MACF1: variants seen among roughly 807,000 people sequenced by gnomAD.
MACF1 encodes the protein microtubule actin crosslinking factor 1, also known as microtubule-actin cross-linking factor 1.
MACF1 carries 193 observed loss-of-function variants against 854.8 expected under a neutral mutation model. The observed-to-expected ratio is 0.23, with a 90% confidence interval of 0.20 to 0.25. MACF1 has a LOEUF of 0.25. Ranked by LOEUF, MACF1 falls within the 10% of genes least tolerant of loss-of-function variation. The probability of loss-of-function intolerance (pLI) is 1.00; values close to 1 mark genes in which losing one functional copy is unlikely to be tolerated. For synonymous variants in MACF1, 3,185 were observed against 3,226.7 expected (o/e 0.99, Z 0.44); for missense variants, 7,722 against 8,929.1 (o/e 0.86, Z 5.45).
chr1:39,427,917 T>A (rs1310856652), intron 62 of MACF1, 44 bp from the exon 63 acceptor site: 1 of 1,418,326 alleles, frequency 7.1e-7, no homozygotes, highest in East Asian at 2.3e-5. Context: ...TTACTTTTCA[T>A]TTATTTTGTT....
At chr1:39,136,712 A>G (rs1347901070) in intron 2 of MACF1, among the ~76,000 whole-genome samples, 2 of 152,232 alleles carry the variant, frequency 1.3e-5, no homozygotes, top group Non-Finnish European at 2.9e-5. Flanking sequence ...AATTAATTCT[A>G]TATTAAATTA....
At chr1:39,286,607 C>T (rs1027189965) in intron 14 of MACF1, among the ~76,000 whole-genome samples, 1 of 151,332 alleles carries the variant, frequency 6.6e-6, no homozygotes, top group African/African-American at 2.4e-5. Flanking sequence ...GCTGGGAGTA[C>T]AGGAGTGCAC....
intron 2 of MACF1, among the ~76,000 whole-genome samples, chr1:39,113,162 CT>C (rs1642455653): frequency 2.6e-5 from 4 of 152,106 alleles, no homozygotes; most frequent in African/African-American, 7.2e-5. Flanking sequence ...CTCCCTACCC[CT>C]AATCTCAATA....
intron 2 of MACF1, among the ~76,000 whole-genome samples, chr1:39,111,124 G>A (rs1314963674): frequency 1.3e-5 from 2 of 152,144 alleles, no homozygotes; most frequent in African/African-American, 4.8e-5. Flanking sequence ...GATTGGAGTT[G>A]AAGCCTCTCT....
chr1:39,484,536 T>C (rs1645070622), intron 99 of MACF1, 65 bp from the exon 100 acceptor site: 5 of 1,496,486 alleles, frequency 3.3e-6, no homozygotes, highest in Non-Finnish European at 3.6e-6. Flanking sequence ...GGAGACCTTT[T>C]AAAGTTGAAT....
chr1:39,200,702 GA>G (rs968707803), upstream of MACF1, among the ~76,000 whole-genome samples: 115 of 130,716 alleles, frequency 8.8e-4, no homozygotes, highest in Middle Eastern at 3.9e-3. Flanking sequence ...CCATCTCAGA[GA>G]AAAAAAAAAA....
At chr1:39,265,131 C>G (rs1240076095) in intron 6 of MACF1, among the ~76,000 whole-genome samples, 1 of 152,184 alleles carries the variant, frequency 6.6e-6, no homozygotes, top group Non-Finnish European at 1.5e-5. Context: ...GTATGCCTAG[C>G]ATTTTGAAAT....
intron 2 of MACF1, among the ~76,000 whole-genome samples, chr1:39,148,827 A>G (rs186432339): frequency 6.6e-6 from 1 of 152,356 alleles, no homozygotes; most frequent in African/African-American, 2.4e-5. Flanking sequence ...TTGCTGAGTC[A>G]AAAGTTATTT....
At chr1:39,097,832 G>A (rs1340597564) in intron 2 of MACF1, among the ~76,000 whole-genome samples, 1 of 152,180 alleles carries the variant, frequency 6.6e-6, no homozygotes, top group Non-Finnish European at 1.5e-5. Context: ...GATCTCAACT[G>A]AGAGCATTGG....
At chr1:39,201,090 A>G (rs1437655555), upstream of MACF1, among the ~76,000 whole-genome samples, 2 of 152,188 alleles carry the variant, frequency 1.3e-5, no homozygotes, top group African/African-American at 2.4e-5. Flanking sequence ...TAGCAGTTCT[A>G]TCCTTTCAAT....
chr1:39,350,508 T>C (rs568264472), intron 42 of MACF1, among the ~76,000 whole-genome samples: 5 of 152,212 alleles, frequency 3.3e-5, no homozygotes, highest in Non-Finnish European at 7.3e-5. Context: ...CACTTCTTTA[T>C]GGAAAGAATG....
chr1:39,380,475 A>G (rs1650081538), intron 55 of MACF1, 102 bp downstream of exon 55: 3 of 1,218,212 alleles, frequency 2.5e-6, no homozygotes, highest in South Asian at 1.5e-5. Flanking sequence ...TTTTTAGTTA[A>G]TTTTTATAAA....
chr1:39,292,192 G>A (rs1228896044), intron 16 of MACF1, among the ~76,000 whole-genome samples, 154 bp downstream of exon 16: 1 of 152,242 alleles, frequency 6.6e-6, no homozygotes, highest in Non-Finnish European at 1.5e-5. Flanking sequence ...CTTTTCACAT[G>A]AAGTGTATCT....
intron 51 of MACF1, among the ~76,000 whole-genome samples, chr1:39,371,833 A>G (rs961440754): frequency 2.1e-5 from 3 of 145,646 alleles, no homozygotes; most frequent in African/African-American, 7.6e-5. Context: ...TTTTTTTTTA[A>G]GACGGAGTCT....
At chr1:39,410,677 C>T in intron 58 of MACF1, 1 of 1,613,784 alleles carries the variant, frequency 6.2e-7, no homozygotes, top group Non-Finnish European at 8.5e-7. Context: ...GTCCTTCATG[C>T]CACCCAACTT....
intron 61 of MACF1, among the ~76,000 whole-genome samples, chr1:39,425,420 G>C (rs1214093464): frequency 6.6e-6 from 1 of 152,132 alleles, no homozygotes; most frequent in African/African-American, 2.4e-5. Context: ...CAAGCTCAGA[G>C]ATATTTAATT....
At chr1:39,243,650 G>A (rs1408447600) in intron 2 of MACF1, among the ~76,000 whole-genome samples, 2 of 152,138 alleles carry the variant, frequency 1.3e-5, no homozygotes, top group African/African-American at 2.4e-5. Context: ...TAATCTTCCT[G>A]TCTTGGCCTC....
intron 23 of MACF1, among the ~76,000 whole-genome samples, chr1:39,308,627 G>A (rs1455560902): frequency 6.6e-6 from 1 of 151,882 alleles, no homozygotes; most frequent in Admixed American, 6.6e-5. Flanking sequence ...GCTTGGGAAA[G>A]AAATCTCAAA....
intron 52 of MACF1, 40 bp from the exon 53 acceptor site, chr1:39,378,421 G>A (rs777730575): frequency 2.0e-5 from 30 of 1,503,706 alleles, no homozygotes; most frequent in African/African-American, 2.7e-5. Flanking sequence ...TTCCTAACAC[G>A]TTGGTCTTGC....
Sources: gnomAD v4.1 joint callset for allele counts (sites outside exome capture counted in the v4.1 genomes callset) on GRCh38, gnomAD v4.1.1 for gene constraint, MANE v1.5 for transcripts, NCBI Gene and HGNC (gene_info 2026-07-23, HGNC 2026-07-21) for gene names.